The following EIF4G3 variants were observed in gnomAD, a reference collection of about 807,000 sequenced individuals.
EIF4G3 encodes the protein eIF-4-gamma 3.
In EIF4G3, 34 loss-of-function variants were observed where a neutral mutation model predicts 186.4. That is an observed-to-expected ratio of 0.18 (90% CI 0.14 to 0.24). The LOEUF is 0.24. EIF4G3 is among the 10% of genes least tolerant of loss of function. EIF4G3 has a pLI of 1.00. For missense variants in EIF4G3, 1,536 were observed against 1,948.5 expected, an observed-to-expected ratio of 0.79 and a Z score of 3.99; for synonymous variants, 673 against 679.5, an observed-to-expected ratio of 0.99 and a Z score of 0.15.
chr1:20,951,752 A>G (rs200051825), intron 12 of EIF4G3, among the ~76,000 whole-genome samples: 2 of 150,892 alleles, frequency 1.3e-5, no homozygotes, highest in Non-Finnish European at 1.5e-5. Context: ...CCAAATAAAA[A>G]GGGGGGGGCA....
intron 2 of EIF4G3, among the ~76,000 whole-genome samples, chr1:21,144,052 G>A (rs1029647849): frequency 6.6e-6 from 1 of 152,160 alleles, no homozygotes; most frequent in Admixed American, 6.5e-5. Flanking sequence ...TTTTAAGAAA[G>A]CAAATAACTA....
At chr1:21,098,563 A>G (rs1415257202) in intron 2 of EIF4G3, among the ~76,000 whole-genome samples, 3 of 69,146 alleles carry the variant, frequency 4.3e-5, no homozygotes, top group Non-Finnish European at 1.1e-4. Context: ...AAAAAAAAAA[A>G]GAAGAAGAAG....
intron 25 of EIF4G3, among the ~76,000 whole-genome samples, chr1:20,855,673 T>A (rs1557937645): frequency 6.6e-6 from 1 of 152,196 alleles, no homozygotes. Flanking sequence ...ATAAAATACA[T>A]ATAACATAAA....
At chr1:20,873,544 A>T (rs1169686365) in intron 20 of EIF4G3, among the ~76,000 whole-genome samples, 1 of 152,144 alleles carries the variant, frequency 6.6e-6, no homozygotes, top group Non-Finnish European at 1.5e-5. Context: ...GTACATGAAC[A>T]TCTTCAACAT....
chr1:21,017,531 G>C (rs1230583923), intron 4 of EIF4G3, among the ~76,000 whole-genome samples: 1 of 150,376 alleles, frequency 6.6e-6, no homozygotes, highest in Non-Finnish European at 1.5e-5. Flanking sequence ...GGGAGGCTGA[G>C]GCAGGAGAAT....
At chr1:21,116,128 G>C (rs1269439991) in intron 2 of EIF4G3, among the ~76,000 whole-genome samples, 1 of 151,944 alleles carries the variant, frequency 6.6e-6, no homozygotes, top group East Asian at 1.9e-4. Context: ...GTCAAAATGA[G>C]GTACAATACT....
chr1:21,168,413 A>T (rs200435590), intron 2 of EIF4G3, among the ~76,000 whole-genome samples: 8,641 of 149,930 alleles, frequency 0.058, 758 homozygotes, highest in African/African-American at 0.2. Context: ...CAATTTTTTA[A>T]AAAAAAAAAG....
chr1:20,981,242 A>AG lies in EIF4G3; in HGVS notation c.199-16_199-15insC. On this transcript the variant is annotated splice_polypyrimidine_tract_variant and intron_variant, in intron 8 of 36. Transcript: ENST00000602326. Reference sequence around the variant, plus strand: ...CTCTGGAAAAACTGGGAAGGGGAGAAAAAAAAAATTTTTTTTTTTTTTTAA... The same window carrying AG: ...CTCTGGAAAAACTGGGAAGGGGAGAAGAAAAAAAATTTTTTTTTTTTTTTAA... 2.6e-6 allele frequency: 4 copies of AG among 1,541,552 alleles called. No homozygotes were observed. Among genetic ancestry groups the AG allele is most frequent in the Admixed American group, 4.3e-5 (2 of 46,336 alleles).
At chr1:21,092,063 T>C in intron 2 of EIF4G3, among the ~76,000 whole-genome samples, 1 of 152,228 alleles carries the variant, frequency 6.6e-6, no homozygotes, top group Admixed American at 6.5e-5. Context: ...CATCCCTGTC[T>C]TGCGCCAGTT....
chr1:20,874,305 G>A (rs1254229541), intron 20 of EIF4G3, among the ~76,000 whole-genome samples: 1 of 152,132 alleles, frequency 6.6e-6, no homozygotes, highest in Non-Finnish European at 1.5e-5. Context: ...CAGTGTAAAA[G>A]CATTCTGTTT....
At chr1:20,968,257 A>G (rs985219765) in intron 12 of EIF4G3, among the ~76,000 whole-genome samples, 3 of 150,866 alleles carry the variant, frequency 2.0e-5, no homozygotes, top group African/African-American at 4.9e-5. Flanking sequence ...TCGGCTCACC[A>G]CAGCCTCCGT....
chr1:21,005,496 C>G (rs546509147), intron 4 of EIF4G3, among the ~76,000 whole-genome samples: 3 of 152,118 alleles, frequency 2.0e-5, no homozygotes, highest in African/African-American at 7.2e-5. Flanking sequence ...ACTTTGTTCT[C>G]TCATAGCTGT....
intron 16 of EIF4G3, among the ~76,000 whole-genome samples, chr1:20,896,651 A>G (rs1351749310): frequency 1.3e-5 from 2 of 152,190 alleles, no homozygotes; most frequent in Non-Finnish European, 2.9e-5. Flanking sequence ...TAATGTTTAT[A>G]AAATCCACAC....
At chr1:21,163,379 G>GT (rs1218361420) in intron 2 of EIF4G3, among the ~76,000 whole-genome samples, 1 of 152,178 alleles carries the variant, frequency 6.6e-6, no homozygotes, top group African/African-American at 2.4e-5. Context: ...GATCAACAAT[G>GT]TAACACAGGG....
rs781635036 is a variant in EIF4G3 at position 21,118,127 on chromosome 1, T to C, written c.-271-28914A>G. Among the ~76,000 whole-genome samples the C allele has an allele frequency of 1.6e-4, 24 of 152,288 alleles. 1 individual carries two copies. In the South Asian group the frequency reaches 2.3e-3, roughly 14 times the overall value. ...TTAGAAAAGTTATTAAGAAATTTCA[T>C]GATTTTGTTCATTTTTCAAAGGCCG... On this transcript the variant is annotated intron_variant, in intron 2 of 36. Coordinates refer to ENST00000602326, the MANE Select transcript of EIF4G3 (RefSeq NM_001391906.1).
intron 2 of EIF4G3, among the ~76,000 whole-genome samples, chr1:21,109,043 C>A (rs912550069): frequency 7.3e-5 from 11 of 151,426 alleles, no homozygotes; most frequent in Non-Finnish European, 1.6e-4. Flanking sequence ...CATGAAGAAA[C>A]CCCATCTCTA....
intron 3 of EIF4G3, chr1:21,064,568 A>C (rs2095128400): frequency 6.6e-6 from 1 of 152,224 alleles, no homozygotes; most frequent in Non-Finnish European, 1.5e-5. Flanking sequence ...TGCTAATAGA[A>C]TCGTGTAGCA....
At chr1:20,875,401 A>G (rs1366013456) in intron 20 of EIF4G3, among the ~76,000 whole-genome samples, 1 of 152,226 alleles carries the variant, frequency 6.6e-6, no homozygotes, top group Non-Finnish European at 1.5e-5. Context: ...AGCATGTTGC[A>G]TTGGTGTGTT....
Position 20,853,623 on chromosome 1 carries a change from G to T in EIF4G3, c.3488C>A (p.Pro1163Gln). Reference sequence around the variant, plus strand: ...GGATGGCGTGGACCCTGAGGGTGCTGGAGGTTGCAGGGCAGAGAATCTGTT... The same window carrying T: ...GGATGGCGTGGACCCTGAGGGTGCTTGAGGTTGCAGGGCAGAGAATCTGTT... ...SLNRFSALQP[P>Q]APSGSTPSTP... Residue 1163 changes from proline to glutamine, a missense_variant, in exon 27 of 37, where the codon CCA (proline) becomes CAA (glutamine). Transcript: ENST00000602326. 2 of 1,614,038 alleles carry T rather than the reference G, an allele frequency of 1.2e-6. No homozygotes were observed. The highest frequency in any genetic ancestry group is 1.7e-6 in the Non-Finnish European group (2 of 1,179,964).
Sources: gnomAD v4.1 joint callset for allele counts (sites outside exome capture counted in the v4.1 genomes callset) on GRCh38, gnomAD v4.1.1 for gene constraint, MANE v1.5 for transcripts, NCBI Gene and HGNC (gene_info 2026-07-23, HGNC 2026-07-21) for gene names.